Variants in USP15 observed in about 807,000 individuals in gnomAD.
The protein encoded by USP15 is ubiquitin specific peptidase 15, also known as ubiquitin carboxyl-terminal hydrolase 15.
Under a neutral mutation model 127.1 loss-of-function variants are expected in USP15, and 18 were observed. That is an observed-to-expected ratio of 0.14 (90% CI 0.10 to 0.21). The LOEUF is 0.21. Ranked by LOEUF, USP15 falls within the 10% of genes least tolerant of loss-of-function variation. USP15 has a pLI of 1.00. For missense variants in USP15, 805 were observed against 1,159.9 expected (o/e 0.69, Z 4.44); for synonymous variants, 364 against 393.7 (o/e 0.92, Z 0.89).
At chr12:62,381,390 T>A in intron 8 of USP15, 100 bp from the exon 9 acceptor site, 2 of 1,033,502 alleles carry the variant, frequency 1.9e-6, no homozygotes, top group Non-Finnish European at 2.7e-6. Context: ...ATGTTCTCTG[T>A]GTTATAGCAA....
chr12:62,336,747 A>C (rs539998652), intron 6 of USP15: 1 of 157,434 alleles, frequency 6.4e-6, no homozygotes, highest in African/African-American at 2.4e-5. Context: ...AGGACAGCTA[A>C]ATTCTTGTAT....
intron 8 of USP15, among the ~76,000 whole-genome samples, chr12:62,363,230 A>G (rs1477711242): frequency 6.6e-6 from 1 of 152,152 alleles, no homozygotes; most frequent in East Asian, 1.9e-4. Context: ...ATTCGTTTCA[A>G]ACCTAAGGCA....
chr12:62,408,301 C>T lies in USP15; in HGVS notation c.*3926C>T, dbSNP rs2067940134. On this transcript the variant is annotated 3_prime_UTR_variant, in exon 22 of 22. Coordinates refer to ENST00000280377, the MANE Select transcript of USP15 (RefSeq NM_001252078.2). ...ATTTTTAAGTTACCTACAGATAATG[C>T]ATTTCATTATTGCCTACTTCCAACT... 1 of 144,852 alleles carries T rather than the reference C, an allele frequency of 6.9e-6. No homozygotes were observed. The highest frequency in any genetic ancestry group is 1.6e-5 in the Non-Finnish European group (1 of 64,504). 9.0% of individuals were successfully genotyped at this position (144,852 alleles called of 1,614,324 possible).
At chr12:62,300,001 G>A (rs563774575) in intron 2 of USP15, among the ~76,000 whole-genome samples, 3 of 151,072 alleles carry the variant, frequency 2.0e-5, no homozygotes, top group East Asian at 1.9e-4. Flanking sequence ...TAATAGAATT[G>A]TTTGTCTTTT....
rs2137690252 is a variant in USP15, at chr12:62,406,226, G to A, written c.*1851G>A. ...AGTTATAAATAGTTAATACTAGAAA[G>A]GAAATTATGTCAGAGCAAAATGAAT... is the stretch of plus-strand genomic sequence containing the variant. On this transcript the variant is annotated 3_prime_UTR_variant, in exon 22 of 22. Coordinates refer to ENST00000280377, the MANE Select transcript of USP15 (RefSeq NM_001252078.2). 2 of 152,076 alleles carry A rather than the reference G, an allele frequency of 1.3e-5. No homozygotes were observed. The highest frequency in any genetic ancestry group is 3.9e-4 in the East Asian group (2 of 5,180). The allele number at this position is 152,076 out of a possible 1,614,324, so 9.4% of individuals were successfully genotyped here.
chr12:62,364,256 T>G (rs2066409574), intron 8 of USP15, among the ~76,000 whole-genome samples: 1 of 152,320 alleles, frequency 6.6e-6, no homozygotes, highest in African/African-American at 2.4e-5. Context: ...CTCTGACGGC[T>G]TCCATTATCC....
chr12:62,312,217 G>T, intron 3 of USP15: 1 of 236,944 alleles, frequency 4.2e-6, no homozygotes, highest in Non-Finnish European at 9.1e-6. Context: ...TAGAGGCCTG[G>T]TATTATGAAA....
chr12:62,298,524 G>A (rs992632120), intron 2 of USP15, among the ~76,000 whole-genome samples: 2 of 152,020 alleles, frequency 1.3e-5, no homozygotes, highest in Non-Finnish European at 2.9e-5. Context: ...AAATTAGCTG[G>A]GTGTGGTGGC....
intron 6 of USP15, among the ~76,000 whole-genome samples, chr12:62,343,698 T>A (rs1472343538): frequency 6.6e-6 from 1 of 152,216 alleles, no homozygotes; most frequent in Non-Finnish European, 1.5e-5. Context: ...TGCCCCACCC[T>A]GCTTCTGCTC....
chr12:62,340,799 G>A (rs1257227723), intron 6 of USP15, among the ~76,000 whole-genome samples: 1 of 152,112 alleles, frequency 6.6e-6, no homozygotes, highest in Non-Finnish European at 1.5e-5. Flanking sequence ...TTCCATTTAT[G>A]TGATTGATTT....
chr12:62,352,883 GAATT>G (rs2066003303), intron 7 of USP15, among the ~76,000 whole-genome samples: 1 of 151,864 alleles, frequency 6.6e-6, no homozygotes, highest in Non-Finnish European at 1.5e-5. Flanking sequence ...ATATAATACA[GAATT>G]AATCTAATAT....
intron 6 of USP15, among the ~76,000 whole-genome samples, chr12:62,326,291 T>C (rs1157842165): frequency 6.6e-6 from 1 of 152,092 alleles, no homozygotes; most frequent in African/African-American, 2.4e-5. Flanking sequence ...GAATCTGATG[T>C]GAAAGTAATA....
Position 62,273,527 on chromosome 12 carries a change from A to T in USP15, c.89+13024A>T, listed in dbSNP as rs189818483. Among the ~76,000 whole-genome samples the T allele has an allele frequency of 2.0e-5, 3 of 152,166 alleles. No homozygotes were observed. In the East Asian group the frequency reaches 5.8e-4, roughly 29 times the overall value. On this transcript the variant is annotated intron_variant, in intron 1 of 21. Coordinates refer to ENST00000280377, the MANE Select transcript of USP15 (RefSeq NM_001252078.2). ...TCATAGCAAGTAGTGTCAAAAATAG[A>T]AGTTTGGTGTGGTGCTTTTTCTATA... is the stretch of plus-strand genomic sequence containing the variant.
intron 5 of USP15, 124 bp downstream of exon 5, chr12:62,321,733 T>C (rs2064989834): frequency 1.4e-6 from 1 of 709,106 alleles, no homozygotes; most frequent in Non-Finnish European, 2.0e-6. Flanking sequence ...TAAACTCATC[T>C]CTTGTCTTTC....
At chr12:62,331,495 A>T (rs2065299716) in intron 6 of USP15, among the ~76,000 whole-genome samples, 1 of 152,176 alleles carries the variant, frequency 6.6e-6, no homozygotes, top group Non-Finnish European at 1.5e-5. Context: ...TTAGCCAAGG[A>T]ATTTGCATTT....
At chr12:62,267,343 C>T (rs2063218684) in intron 1 of USP15, 1 of 152,078 alleles carries the variant, frequency 6.6e-6, no homozygotes, top group African/African-American at 2.4e-5. Context: ...TAAGTAGCCT[C>T]AGTTTTGGAT....
chr12:62,314,524 TC>T (rs2137250938), intron 3 of USP15, among the ~76,000 whole-genome samples: 1 of 152,070 alleles, frequency 6.6e-6, no homozygotes, highest in South Asian at 2.1e-4. Flanking sequence ...TCTTCATAGA[TC>T]AATAGAATGC....
intron 1 of USP15, among the ~76,000 whole-genome samples, chr12:62,275,869 A>ATGGGTTAGAGAC (rs1431404415): frequency 1.3e-5 from 2 of 152,080 alleles, no homozygotes; most frequent in African/African-American, 4.8e-5. Context: ...GTTCAACCTA[A>ATGGGTTAGAGAC]TGGGTTAGAG....
At chr12:62,335,567 A>G (rs1195011128) in intron 6 of USP15, 4 of 1,038,038 alleles carry the variant, frequency 3.9e-6, no homozygotes, top group Non-Finnish European at 4.6e-6. Context: ...AATGCCTAGC[A>G]TAGTGCCACA....
Sources: gnomAD v4.1 joint callset for allele counts (sites outside exome capture counted in the v4.1 genomes callset) on GRCh38, gnomAD v4.1.1 for gene constraint, MANE v1.5 for transcripts, NCBI Gene and HGNC (gene_info 2026-07-23, HGNC 2026-07-21) for gene names.